MICAL2: variants seen among roughly 807,000 people sequenced by gnomAD.
MICAL2 encodes [F-actin]-monooxygenase MICAL2.
MICAL2 carries 77 observed loss-of-function variants against 127.3 expected under a neutral mutation model. That is an observed-to-expected ratio of 0.60 (90% CI 0.50 to 0.73). The LOEUF (loss-of-function observed/expected upper bound fraction) is 0.73, where lower values mean the gene tolerates loss of function less well. MICAL2 is among the 30% of genes least tolerant of loss of function. The probability of loss-of-function intolerance (pLI) is 0.00; values close to 1 mark genes in which losing one functional copy is unlikely to be tolerated. For synonymous variants in MICAL2, 570 were observed against 551.1 expected (o/e 1.03, Z -0.48); for missense variants, 1,351 against 1,434.4 (o/e 0.94, Z 0.94).
At chr11:12,261,921 G>A (rs529703025) in intron 26 of MICAL2, 1 of 986,814 alleles carries the variant, frequency 1.0e-6, no homozygotes, top group African/African-American at 1.7e-5. Context: ...TTGAGGTCAT[G>A]ATGTGAACGG....
Position 12,255,659 on chromosome 11 carries a change from T to C in MICAL2, c.2864T>C (p.Val955Ala). Reference sequence around the variant, plus strand: ...CTTGGTTAGCTGACGGTAGGGAAAGTGTCCAGCGGAATAGGGGCTGCAGCT... The same window carrying C: ...CTTGGTTAGCTGACGGTAGGGAAAGCGTCCAGCGGAATAGGGGCTGCAGCT... ...TVHPQLTVGK[V>A]SSGIGAAAEV... The change falls in exon 23 of 28, where the codon GTG becomes GCG. Residue 955 changes from valine to alanine, a missense_variant. Val to Ala is a moderately conservative substitution (Grantham distance 64). Around this residue, in one of 2 missense-constraint regions of MICAL2, gnomAD observed 752 missense variants for 719.4 expected, o/e 1.05. Coordinates refer to ENST00000683283, the MANE Select transcript of MICAL2 (RefSeq NM_001282663.2). The C allele has an allele frequency of 1.2e-6, 2 of 1,613,996 alleles. No individual in the cohort carries two copies. Among genetic ancestry groups the C allele is most frequent in the Non-Finnish European group, 1.7e-6 (2 of 1,179,996 alleles).
intron 6 of MICAL2, among the ~76,000 whole-genome samples, chr11:12,210,411 C>CGTCA (rs1855302669): frequency 1.3e-5 from 2 of 152,152 alleles, no homozygotes; most frequent in Non-Finnish European, 1.5e-5. Context: ...GCTGCAGATG[C>CGTCA]CTGACTGAGA....
At chr11:12,296,869 C>G (rs1260490167), downstream of MICAL2, among the ~76,000 whole-genome samples, 2 of 151,890 alleles carry the variant, frequency 1.3e-5, no homozygotes, top group Non-Finnish European at 1.5e-5. Context: ...CATATTAGTA[C>G]GTAAAGCACT....
chr11:12,243,035 G>C (rs911235081), intron 20 of MICAL2: 1 of 319,046 alleles, frequency 3.1e-6, no homozygotes, highest in Non-Finnish European at 5.7e-6. Context: ...ATTACTATAA[G>C]AAGCACAAGC....
chr11:12,196,182 T>C (rs1193907989), intron 3 of MICAL2: 1 of 153,358 alleles, frequency 6.5e-6, no homozygotes, highest in African/African-American at 2.4e-5. Flanking sequence ...ACAAGATTTA[T>C]TGGTGGATTG....
chr11:12,229,078 G>A (rs113900635), intron 15 of MICAL2, among the ~76,000 whole-genome samples: 16,637 of 152,212 alleles, frequency 0.11, 1,116 homozygotes, highest in Non-Finnish European at 0.15. Flanking sequence ...GCTTGGCCAA[G>A]GCAGCCATAC....
chr11:12,117,200 A>C (rs1485312113), intron 1 of MICAL2, among the ~76,000 whole-genome samples: 2 of 152,188 alleles, frequency 1.3e-5, no homozygotes, highest in East Asian at 3.8e-4. Flanking sequence ...TTTGCTGGGC[A>C]AGAGAGAATG....
At chr11:12,160,102 C>T (rs752424949) in intron 2 of MICAL2, among the ~76,000 whole-genome samples, 9 of 152,144 alleles carry the variant, frequency 5.9e-5, no homozygotes, top group Non-Finnish European at 8.8e-5. Context: ...CCAGGCACCT[C>T]GGAAGCTCTC....
intron 33 of MICAL2, among the ~76,000 whole-genome samples, chr11:12,354,427 G>A (rs937673143): frequency 1.3e-5 from 2 of 151,070 alleles, no homozygotes; most frequent in Non-Finnish European, 2.9e-5. Context: ...AGCCAATACC[G>A]TGCCACTGCA....
chr11:12,135,043 G>C lies in MICAL2; in HGVS notation c.-148-3347G>C, dbSNP rs748537694. ...CCTAAGAGGACCAGGCCTTCCCCAGGAGTTTTCAGATTGGAATTTGGCCTG... is the reference window on the plus strand; with the variant it reads ...CCTAAGAGGACCAGGCCTTCCCCAGCAGTTTTCAGATTGGAATTTGGCCTG... On this transcript the variant is annotated intron_variant, in intron 1 of 27. Coordinates refer to ENST00000683283, the MANE Select transcript of MICAL2 (RefSeq NM_001282663.2). 5.9e-5 allele frequency among the ~76,000 whole-genome samples: 9 copies of C among 152,136 alleles called. No individual in the cohort carries two copies. The South Asian group carries it at 6.2e-4, about 11-fold the overall frequency.
upstream of MICAL2, chr11:12,274,680 T>A (rs1312040305): frequency 6.6e-6 from 1 of 152,350 alleles, no homozygotes; most frequent in Non-Finnish European, 1.5e-5. Context: ...TGGAGGAGCA[T>A]CACGGAGGTG....
chr11:12,167,448 G>C (rs1855647390), intron 3 of MICAL2, among the ~76,000 whole-genome samples: 1 of 152,132 alleles, frequency 6.6e-6, no homozygotes, highest in Non-Finnish European at 1.5e-5. Flanking sequence ...CAGGGAGGCA[G>C]CGAGGCAGGG....
chr11:12,224,526 AC>A (rs1456504028), intron 12 of MICAL2, 146 bp from the exon 13 acceptor site: 1 of 980,516 alleles, frequency 1.0e-6, no homozygotes, highest in Non-Finnish European at 1.5e-6. Flanking sequence ...AGGGAGCTGC[AC>A]CCGTGCCAGT....
chr11:12,151,044 G>C (rs1853521644), intron 2 of MICAL2, among the ~76,000 whole-genome samples: 1 of 152,068 alleles, frequency 6.6e-6, no homozygotes, highest in Non-Finnish European at 1.5e-5. Flanking sequence ...GCTCAAAGGA[G>C]TACTTAGTGA....
At chr11:12,349,784 A>G (rs1939016669) in intron 32 of MICAL2, 2 of 1,567,402 alleles carry the variant, frequency 1.3e-6, no homozygotes, top group Non-Finnish European at 1.8e-6. Flanking sequence ...AAGCAGTTTG[A>G]TCATGGGGAG....
At chr11:12,270,284 C>T (rs112201798) in intron 24 of MICAL2, among the ~76,000 whole-genome samples, 92 of 152,344 alleles carry the variant, frequency 6.0e-4, no homozygotes, top group African/African-American at 2.0e-3. Flanking sequence ...ATGCCTTCCC[C>T]GCCCTTCTCT....
chr11:12,139,435 G>A (rs1447671326), intron 2 of MICAL2, among the ~76,000 whole-genome samples: 2 of 152,182 alleles, frequency 1.3e-5, no homozygotes, highest in African/African-American at 2.4e-5. Context: ...GAGGATGAAG[G>A]TGAGGGTGAG....
chr11:12,279,778 C>G (rs967261105), intron 1 of MICAL2, among the ~76,000 whole-genome samples: 5 of 152,168 alleles, frequency 3.3e-5, no homozygotes, highest in African/African-American at 1.2e-4. Context: ...AAATTCATGT[C>G]CTCAGGTCAG....
downstream of MICAL2, chr11:12,293,567 G>GCTT: frequency 6.2e-7 from 1 of 1,603,006 alleles, no homozygotes; most frequent in Non-Finnish European, 8.5e-7. Flanking sequence ...CTAGATGACA[G>GCTT]CTTCTGAGCC....
Sources: allele counts gnomAD v4.1 joint callset (sites outside exome capture counted in the v4.1 genomes callset), GRCh38; gene constraint gnomAD v4.1.1; regional missense constraint gnomAD v4.1.1; transcripts MANE v1.5; gene names NCBI Gene and HGNC (gene_info 2026-07-23, HGNC 2026-07-21).